Variants in MTHFD1L observed in about 807,000 individuals in gnomAD.
MTHFD1L encodes methylenetetrahydrofolate dehydrogenase (NADP+ dependent) 1 like, also known as monofunctional C1-tetrahydrofolate synthase, mitochondrial.
A neutral mutation model predicts 119.5 loss-of-function variants in MTHFD1L; 81 were observed. The ratio of observed to expected loss-of-function variants is 0.68; its 90% CI spans 0.57 to 0.82. The LOEUF is 0.82. MTHFD1L is among the 40% of genes least tolerant of loss of function. The pLI, the probability that MTHFD1L is intolerant of heterozygous loss-of-function variation, is 0.00. For synonymous variants in MTHFD1L, 430 were observed against 475.2 expected (o/e 0.90, Z 1.24); for missense variants, 1,125 against 1,253.4 (o/e 0.90, Z 1.55).
chr6:150,932,816 G>GGAAGGAAAGAAGGAAGGAAGGA (rs1791325108), intron 11 of MTHFD1L, among the ~76,000 whole-genome samples: 5 of 119,484 alleles, frequency 4.2e-5, no homozygotes, highest in African/African-American at 9.9e-5. Flanking sequence ...GAGAGGGAGG[G>GGAAGGAAAGAAGGAAGGAAGGA]AGGAAGGAAG....
intron 1 of MTHFD1L, 49 bp downstream of exon 1, chr6:150,866,098 C>T (rs1423045061): frequency 1.4e-6 from 2 of 1,476,636 alleles, no homozygotes; most frequent in Admixed American, 2.3e-5. Context: ...GCTGTGGCCC[C>T]GACCCAGGGG....
At chr6:150,867,568 T>A (rs956538970) in intron 1 of MTHFD1L, among the ~76,000 whole-genome samples, 5 of 152,234 alleles carry the variant, frequency 3.3e-5, no homozygotes, top group Non-Finnish European at 5.9e-5. Context: ...CCCGTCATGC[T>A]GTTTTATTTT....
chr6:150,891,788 C>T (rs1783328907), intron 7 of MTHFD1L, among the ~76,000 whole-genome samples: 1 of 152,018 alleles, frequency 6.6e-6, no homozygotes, highest in Non-Finnish European at 1.5e-5. Context: ...GATTGTTTTT[C>T]ATTTTAAAAA....
At chr6:151,024,113 A>G (rs575568306) in intron 24 of MTHFD1L, among the ~76,000 whole-genome samples, 93 of 151,816 alleles carry the variant, frequency 6.1e-4, no homozygotes, top group Non-Finnish European at 1.1e-3. Flanking sequence ...TTTTTTTTTT[A>G]ATAAAGTACA....
At chr6:150,906,847 G>A (rs1385631293) in intron 8 of MTHFD1L, among the ~76,000 whole-genome samples, 1 of 152,176 alleles carries the variant, frequency 6.6e-6, no homozygotes, top group African/African-American at 2.4e-5. Context: ...TGACCGATCA[G>A]ATTAAAAACC....
intron 12 of MTHFD1L, among the ~76,000 whole-genome samples, chr6:150,937,241 T>A (rs1792243437): frequency 6.6e-6 from 1 of 152,154 alleles, no homozygotes; most frequent in Non-Finnish European, 1.5e-5. Context: ...CCAAGTGATC[T>A]TGAAACACGG....
rs188892024 is a variant in MTHFD1L at position 150,871,271 on chromosome 6, G to A, written c.228-4819G>A. 9.7e-4 allele frequency among the ~76,000 whole-genome samples: 145 copies of A among 149,360 alleles called. 5 individuals are homozygous for A. In the East Asian group the frequency reaches 0.027, roughly 28 times the overall value. On this transcript the variant is annotated intron_variant, in intron 1 of 27. Transcript: ENST00000367321. ...TGTTGATGGTTATTGACTGATCAGG[G>A]TGATTGCTAAAGATTAGGGTGGCTG... is the stretch of plus-strand genomic sequence containing the variant.
intron 20 of MTHFD1L, among the ~76,000 whole-genome samples, chr6:150,974,724 CTTTT>C (rs58490721): frequency 0.44 from 64,146 of 145,124 alleles, 15,836 homozygotes; most frequent in African/African-American, 0.64. Flanking sequence ...AATTCTCTTC[CTTTT>C]TTTTTTTTTT....
At chr6:151,100,081 TGAA>T in intron 27 of MTHFD1L, 1 of 570,556 alleles carries the variant, frequency 1.8e-6, no homozygotes, top group Non-Finnish European at 3.1e-6. Flanking sequence ...TCACCCAGGC[TGAA>T]GTGCAGTGGC....
At chr6:150,989,527 C>T (rs1344498503) in intron 20 of MTHFD1L, among the ~76,000 whole-genome samples, 1 of 152,138 alleles carries the variant, frequency 6.6e-6, no homozygotes, top group African/African-American at 2.4e-5. Flanking sequence ...CAACTGACAA[C>T]TTATTTTAAG....
At chr6:151,096,297 T>C (rs1310273812) in intron 27 of MTHFD1L, among the ~76,000 whole-genome samples, 2 of 152,172 alleles carry the variant, frequency 1.3e-5, no homozygotes, top group African/African-American at 4.8e-5. Flanking sequence ...TTCTACCCCT[T>C]ACCCACCCCC....
intron 27 of MTHFD1L, among the ~76,000 whole-genome samples, chr6:151,099,175 CA>C (rs34747023): frequency 0.38 from 47,711 of 124,142 alleles, 7,997 homozygotes; most frequent in Middle Eastern, 0.52. Context: ...GACTCCATCT[CA>C]AAAAAAAAAA....
At chr6:150,878,766 C>G (rs1001034156) in intron 4 of MTHFD1L, among the ~76,000 whole-genome samples, 1 of 152,186 alleles carries the variant, frequency 6.6e-6, no homozygotes, top group Non-Finnish European at 1.5e-5. Context: ...GAGTTTGTAT[C>G]TGGCCTTGTG....
At chr6:151,064,310 A>AATT (rs1008108125) in intron 26 of MTHFD1L, among the ~76,000 whole-genome samples, 16 of 151,802 alleles carry the variant, frequency 1.1e-4, no homozygotes, top group East Asian at 7.7e-4. Context: ...TGAAGTGTTA[A>AATT]ATTATTATTA....
chr6:151,061,201 A>G (rs1790579071), intron 26 of MTHFD1L, among the ~76,000 whole-genome samples: 2 of 152,218 alleles, frequency 1.3e-5, no homozygotes, highest in Non-Finnish European at 2.9e-5. Context: ...ACAAGGATAC[A>G]AAGCAAAATT....
intron 7 of MTHFD1L, among the ~76,000 whole-genome samples, chr6:150,891,047 G>A (rs1358812881): frequency 6.6e-6 from 1 of 152,158 alleles, no homozygotes; most frequent in South Asian, 2.1e-4. Flanking sequence ...GTGCAGTGGC[G>A]CGAACTCGGC....
At chr6:150,898,089 C>A (rs1363574338) in intron 7 of MTHFD1L, among the ~76,000 whole-genome samples, 1 of 152,170 alleles carries the variant, frequency 6.6e-6, no homozygotes, top group African/African-American at 2.4e-5. Context: ...GGTGATCCAC[C>A]CACCTCGGCC....
chr6:150,980,277 GT>G (rs1216375431), intron 20 of MTHFD1L, among the ~76,000 whole-genome samples: 1 of 152,190 alleles, frequency 6.6e-6, no homozygotes, highest in East Asian at 1.9e-4. Flanking sequence ...AGGGAGGGTT[GT>G]TTTGTGTCAT....
chr6:150,898,860 A>G (rs1784683782), intron 7 of MTHFD1L: 1 of 378,602 alleles, frequency 2.6e-6, no homozygotes, highest in Non-Finnish European at 4.8e-6. Flanking sequence ...TCTTTTTCAG[A>G]CGGAGTCTCG....
Sources: gnomAD v4.1 joint callset for allele counts (sites outside exome capture counted in the v4.1 genomes callset) on GRCh38, gnomAD v4.1.1 for gene constraint, MANE v1.5 for transcripts, NCBI Gene and HGNC (gene_info 2026-07-23, HGNC 2026-07-21) for gene names.